RAPGEF5: variants seen among roughly 807,000 people sequenced by gnomAD.
RAPGEF5 encodes the protein Rap guanine nucleotide exchange factor 5.
A neutral mutation model predicts 125.2 loss-of-function variants in RAPGEF5; 65 were observed. That is an observed-to-expected ratio of 0.52 (90% CI 0.43 to 0.64). The LOEUF is 0.64. RAPGEF5 is among the 30% of genes least tolerant of loss of function. The pLI, the probability that RAPGEF5 is intolerant of heterozygous loss-of-function variation, is 0.00. For missense variants in RAPGEF5, 958 were observed against 1,048.1 expected (o/e 0.91, Z 1.19); for synonymous variants, 391 against 385.9 (o/e 1.01, Z -0.16).
chr7:22,227,799 G>A (rs1220467394), intron 8 of RAPGEF5, among the ~76,000 whole-genome samples: 1 of 152,222 alleles, frequency 6.6e-6, no homozygotes, highest in Non-Finnish European at 1.5e-5. Flanking sequence ...CCATGATCGT[G>A]CCACTGCACT....
intron 11 of RAPGEF5, among the ~76,000 whole-genome samples, chr7:22,181,052 G>C (rs1318700928): frequency 1.3e-5 from 2 of 152,128 alleles, no homozygotes; most frequent in Admixed American, 1.3e-4. Flanking sequence ...AGATCAAACT[G>C]AACCAAGACA....
intron 11 of RAPGEF5, among the ~76,000 whole-genome samples, chr7:22,179,541 TG>T (rs1784610152): frequency 6.6e-6 from 1 of 152,188 alleles, no homozygotes; most frequent in African/African-American, 2.4e-5. Context: ...GAATAGGGGC[TG>T]GGTAAAATAA....
intron 6 of RAPGEF5, among the ~76,000 whole-genome samples, chr7:22,290,737 T>A (rs1297971708): frequency 1.7e-5 from 2 of 115,214 alleles, no homozygotes; most frequent in South Asian, 3.0e-4. Flanking sequence ...AGAGCGAGAC[T>A]CCGTCTCAAA....
intron 17 of RAPGEF5, among the ~76,000 whole-genome samples, chr7:22,150,753 C>A (rs1021049240): frequency 2.6e-5 from 4 of 152,184 alleles, no homozygotes; most frequent in African/African-American, 9.7e-5. Context: ...AACATTTAGT[C>A]ATTGTTTGGA....
chr7:22,238,472 G>A (rs1001303244), intron 7 of RAPGEF5, among the ~76,000 whole-genome samples: 5 of 152,284 alleles, frequency 3.3e-5, no homozygotes, highest in East Asian at 1.9e-4. Context: ...CACCCCATGC[G>A]TGATCTGGTT....
chr7:22,257,716 G>A (rs1380455707), intron 7 of RAPGEF5, among the ~76,000 whole-genome samples: 1 of 152,156 alleles, frequency 6.6e-6, no homozygotes, highest in African/African-American at 2.4e-5. Flanking sequence ...TTTGAATACA[G>A]TAATATATAT....
intron 6 of RAPGEF5, among the ~76,000 whole-genome samples, chr7:22,271,346 T>C (rs1056621264): frequency 1.3e-4 from 20 of 152,200 alleles, no homozygotes; most frequent in Non-Finnish European, 1.6e-4. Context: ...CAAGGCCCCA[T>C]ATTTCGACCT....
chr7:22,294,798 C>T lies in RAPGEF5; in HGVS notation c.681-3557G>A, dbSNP rs137870984. On this transcript the variant is annotated intron_variant, in intron 5 of 25. Transcript: ENST00000665637. ...AACATCTCTCACCTGGACTCAGAAG[C>T]CAGCATAGTCTTGCTAAAATGTAAG... Among the ~76,000 whole-genome samples, 447 of 152,338 alleles carry T rather than the reference C, an allele frequency of 2.9e-3. 2 individuals are homozygous for T. Among genetic ancestry groups the T allele is most frequent in the Non-Finnish European group, 5.2e-3 (351 of 68,028 alleles).
At chr7:22,152,260 C>T (rs79941521) in intron 17 of RAPGEF5, among the ~76,000 whole-genome samples, 3,603 of 152,226 alleles carry the variant, frequency 0.024, 50 homozygotes, top group Middle Eastern at 0.065. Flanking sequence ...ACATGTATAG[C>T]GGATGGTCTC....
chr7:22,155,663 T>A (rs568130624), intron 16 of RAPGEF5, among the ~76,000 whole-genome samples: 4 of 152,352 alleles, frequency 2.6e-5, no homozygotes, highest in African/African-American at 9.6e-5. Context: ...CATATTTGGT[T>A]TGGTTGGGTA....
chr7:22,298,303 G>A (rs1046238486), intron 5 of RAPGEF5, among the ~76,000 whole-genome samples: 17 of 151,448 alleles, frequency 1.1e-4, no homozygotes, highest in Admixed American at 2.6e-4. Context: ...TCAGTCTCCC[G>A]AGTAGGTGGG....
At chr7:22,341,667 G>A (rs1253072806) in intron 1 of RAPGEF5, among the ~76,000 whole-genome samples, 1 of 152,192 alleles carries the variant, frequency 6.6e-6, no homozygotes, top group Non-Finnish European at 1.5e-5. Flanking sequence ...AAACAAAGGG[G>A]CTACAGGCCC....
chr7:22,205,793 A>G (rs748404720), intron 9 of RAPGEF5, among the ~76,000 whole-genome samples: 11 of 152,224 alleles, frequency 7.2e-5, no homozygotes, highest in Non-Finnish European at 1.2e-4. Context: ...ACAATTCCAA[A>G]TATTTAATGA....
chr7:22,194,825 G>A (rs1267210879), intron 9 of RAPGEF5: 3 of 939,716 alleles, frequency 3.2e-6, no homozygotes, highest in Non-Finnish European at 3.8e-6. Flanking sequence ...CGCTGACGTG[G>A]CTCTGTCACA....
chr7:22,196,998 TG>T (rs574952644), intron 9 of RAPGEF5, among the ~76,000 whole-genome samples: 8 of 152,054 alleles, frequency 5.3e-5, no homozygotes, highest in African/African-American at 1.9e-4. Flanking sequence ...AGAAGTAAAG[TG>T]GGAGAATATT....
At chr7:22,284,263 C>T (rs1159165548) in intron 6 of RAPGEF5, among the ~76,000 whole-genome samples, 1 of 152,118 alleles carries the variant, frequency 6.6e-6, no homozygotes, top group African/African-American at 2.4e-5. Context: ...ACTCTGAGAT[C>T]CTACCAAAGG....
At chr7:22,145,416 C>T in intron 19 of RAPGEF5, 194 bp from the exon 20 acceptor site, 1 of 494,098 alleles carries the variant, frequency 2.0e-6, no homozygotes, top group Non-Finnish European at 3.4e-6. Flanking sequence ...ATAATGTTCA[C>T]CTAGAATCCT....
chr7:22,209,342 T>C (rs1172893074), intron 9 of RAPGEF5, among the ~76,000 whole-genome samples: 2 of 152,258 alleles, frequency 1.3e-5, no homozygotes, highest in Non-Finnish European at 1.5e-5. Flanking sequence ...TATCCCTTTC[T>C]TGGCTCATCC....
intron 11 of RAPGEF5, among the ~76,000 whole-genome samples, chr7:22,191,277 T>C (rs892373447): frequency 2.6e-5 from 4 of 152,242 alleles, no homozygotes; most frequent in Non-Finnish European, 5.9e-5. Context: ...GGATTTTCTG[T>C]TGTGTTTTCT....
Sources: gnomAD v4.1 joint callset for allele counts (sites outside exome capture counted in the v4.1 genomes callset) on GRCh38, gnomAD v4.1.1 for gene constraint, MANE v1.5 for transcripts, NCBI Gene and HGNC (gene_info 2026-07-23, HGNC 2026-07-21) for gene names.